The following DOCK10 variants were observed in gnomAD, a reference collection of about 807,000 sequenced individuals.
DOCK10 encodes the protein dedicator of cytokinesis protein 10.
Under a neutral mutation model 280.1 loss-of-function variants are expected in DOCK10, and 145 were observed. That is an observed-to-expected ratio of 0.52 (90% CI 0.45 to 0.59). The LOEUF (loss-of-function observed/expected upper bound fraction) is 0.59, where lower values mean the gene tolerates loss of function less well. Among genes scored for constraint, DOCK10 ranks in the 20% least tolerant of loss-of-function variants. The pLI is 0.00. For synonymous variants in DOCK10, 915 were observed against 942.2 expected (o/e 0.97, Z 0.53); for missense variants, 2,368 against 2,651.7 (o/e 0.89, Z 2.35).
At chr2:225,004,732 T>C (rs550346979) in intron 1 of DOCK10, among the ~76,000 whole-genome samples, 15 of 152,336 alleles carry the variant, frequency 9.8e-5, no homozygotes, top group African/African-American at 3.6e-4. Flanking sequence ...GAACCAAGGA[T>C]GTGAAGAGTG....
rs146067592 is a variant in DOCK10 at position 224,921,625 on chromosome 2, G to A, written c.244-4841C>T. Among the ~76,000 whole-genome samples the A allele has an allele frequency of 2.0e-5, 3 of 152,288 alleles. No individual in the cohort carries two copies. In the East Asian group the frequency reaches 5.8e-4, roughly 29 times the overall value. The stretch of plus-strand genomic sequence containing the variant: ...TAAATAAGACAACAGGCTGAATTAT[G>A]CTCTTGGAACCATGTGATAAATCTA... On this transcript the variant is annotated intron_variant, in intron 2 of 55. Coordinates refer to ENST00000258390, the MANE Select transcript of DOCK10 (RefSeq NM_014689.3).
Position 224,966,101 on chromosome 2 carries a change from G to A in DOCK10, c.124-34433C>T, listed in dbSNP as rs1249262576. 5.3e-5 allele frequency among the ~76,000 whole-genome samples: 8 copies of A among 152,098 alleles called. No individual in the cohort carries two copies. The East Asian group carries it at 1.2e-3, about 22-fold the overall frequency. Reference sequence around the variant, plus strand: ...AACGTTCTCCTATAAACATGCAAGCGGGCACAACAGACTCTCTGACGCCTT... The same window carrying A: ...AACGTTCTCCTATAAACATGCAAGCAGGCACAACAGACTCTCTGACGCCTT... On this transcript the variant is annotated intron_variant, in intron 1 of 55. Transcript: ENST00000258390.
rs1027711750 is a variant in DOCK10, at chr2:225,007,792, A to T, written c.123+34460T>A. Among the ~76,000 whole-genome samples the T allele has an allele frequency of 2.0e-5, 3 of 152,342 alleles. No individual in the cohort carries two copies. In the South Asian group the frequency reaches 6.2e-4, roughly 32 times the overall value. ...AGACATTAAAAAACATCCACAAAAA[A>T]GTCCGGAAGAATGATGGTTAGCTTT... On this transcript the variant is annotated intron_variant, in intron 1 of 55. Coordinates refer to ENST00000258390, the MANE Select transcript of DOCK10 (RefSeq NM_014689.3).
chr2:225,018,567 TTATATATATATAATATATA>T (rs1559965937), intron 1 of DOCK10, among the ~76,000 whole-genome samples: 347 of 8,448 alleles, frequency 0.041, 82 homozygotes, highest in African/African-American at 0.11. Context: ...ATATGTAATA[TTATATATATATAATATATA>T]TGTAATATTA....
At chr2:224,826,451 C>T (rs981141902) in intron 27 of DOCK10, among the ~76,000 whole-genome samples, 6 of 152,130 alleles carry the variant, frequency 3.9e-5, no homozygotes. Context: ...CCCCTGACTT[C>T]CTCAGATCTT....
chr2:224,834,222 A>G lies in DOCK10; in HGVS notation c.2892T>C (p.His964=). The change falls in exon 26 of 56, where the codon CAT becomes CAC. Residue 964 remains histidine (H), a synonymous_variant. Transcript: ENST00000258390. ...CAGTCACATTTTTAGCCAGTTCCTC[A>G]TGTACAGTCCTCTCCTTGCATGCCC... ...KTRACKERTV[H]EELAKNVTGL... 6.2e-7 allele frequency: 1 copy of G among 1,613,354 alleles called. No homozygotes were observed. Among genetic ancestry groups the G allele is most frequent in the Non-Finnish European group, 8.5e-7 (1 of 1,179,336 alleles).
At chr2:225,030,100 C>T (rs1046097865) in intron 1 of DOCK10, among the ~76,000 whole-genome samples, 1 of 145,294 alleles carries the variant, frequency 6.9e-6, no homozygotes, top group Non-Finnish European at 1.5e-5. Flanking sequence ...GAGCCGAGAT[C>T]ACACCACTGC....
At chr2:225,006,270 T>C (rs16866454) in intron 1 of DOCK10, among the ~76,000 whole-genome samples, 1,927 of 152,324 alleles carry the variant, frequency 0.013, 43 homozygotes, top group African/African-American at 0.042. Context: ...GCAATTCTTG[T>C]CTTTTTTAGA....
At chr2:224,906,871 A>G (rs1700679047) in intron 3 of DOCK10, among the ~76,000 whole-genome samples, 1 of 152,320 alleles carries the variant, frequency 6.6e-6, no homozygotes. Flanking sequence ...GCCTGATGGT[A>G]TGCACCTTGA....
At chr2:224,922,119 CAA>C (rs35964702) in intron 2 of DOCK10, among the ~76,000 whole-genome samples, 1,179 of 51,550 alleles carry the variant, frequency 0.023, 2 homozygotes, top group Non-Finnish European at 0.035. Flanking sequence ...AACTCCATCT[CAA>C]AAAAAAAAAA....
intron 1 of DOCK10, among the ~76,000 whole-genome samples, chr2:225,039,640 T>C (rs1326509218): frequency 2.0e-5 from 3 of 152,148 alleles, no homozygotes; most frequent in Non-Finnish European, 4.4e-5. Flanking sequence ...AGCATCTCCT[T>C]GATCTCTCCT....
chr2:224,890,970 C>T (rs937264061), intron 4 of DOCK10, among the ~76,000 whole-genome samples: 4 of 152,136 alleles, frequency 2.6e-5, no homozygotes, highest in South Asian at 2.1e-4. Context: ...TATTTAAAGG[C>T]GTGCATTCCG....
Position 225,027,826 on chromosome 2 carries a change from C to T in DOCK10, c.123+14426G>A, listed in dbSNP as rs192952690. ...TTATAGCAGTGGGAGAACAGACTAA[C>T]ACAATCCTCATAAGAATTTTGTGTC... On this transcript the variant is annotated intron_variant, in intron 1 of 55. Transcript: ENST00000258390. Among the ~76,000 whole-genome samples, 130 of 152,294 alleles carry T rather than the reference C, an allele frequency of 8.5e-4. 1 individual carries two copies. The highest frequency in any genetic ancestry group is 3.1e-3 in the African/African-American group (127 of 41,562).
At chr2:224,931,083 T>G (rs1702339368) in intron 2 of DOCK10, among the ~76,000 whole-genome samples, 1 of 152,242 alleles carries the variant, frequency 6.6e-6, no homozygotes, top group African/African-American at 2.4e-5. Context: ...TACCTTTCTT[T>G]GCCCCCAGGT....
chr2:224,922,265 A>C (rs986433392), intron 2 of DOCK10, among the ~76,000 whole-genome samples: 4 of 152,220 alleles, frequency 2.6e-5, no homozygotes, highest in Non-Finnish European at 4.4e-5. Context: ...AACTGTAAAC[A>C]ATCATATTTG....
chr2:224,956,104 T>C (rs751869538), intron 1 of DOCK10, among the ~76,000 whole-genome samples: 4 of 152,084 alleles, frequency 2.6e-5, no homozygotes, highest in Non-Finnish European at 4.4e-5. Context: ...AAGGAGAACA[T>C]TGTGTTGGCC....
intron 1 of DOCK10, among the ~76,000 whole-genome samples, chr2:224,957,285 G>GCCCCCC (rs35689409): frequency 1.7e-5 from 2 of 118,672 alleles, no homozygotes; most frequent in Non-Finnish European, 3.6e-5. Context: ...TTTACTTTCC[G>GCCCCCC]CCCCCCCCCG....
intron 1 of DOCK10, among the ~76,000 whole-genome samples, chr2:224,955,266 G>T (rs1161580575): frequency 6.6e-6 from 1 of 152,132 alleles, no homozygotes; most frequent in African/African-American, 2.4e-5. Context: ...AATCTGTAAA[G>T]CTCTAATGGA....
Position 225,018,500 on chromosome 2 carries a change from T to C in DOCK10, c.123+23752A>G. On this transcript the variant is annotated intron_variant, in intron 1 of 55. Transcript: ENST00000258390. ...ATACCATGTAAACATATATATATAA[T>C]ATATATGTAATATTATATATATATA... Among the ~76,000 whole-genome samples the C allele has an allele frequency of 1.6e-5, 2 of 126,716 alleles. 1 individual carries two copies. The highest frequency in any genetic ancestry group is 3.2e-5 in the Non-Finnish European group (2 of 62,402). 83.1% of individuals were successfully genotyped at this position (126,716 alleles called of 152,430 possible).
Sources: gnomAD v4.1 joint callset for allele counts (sites outside exome capture counted in the v4.1 genomes callset) on GRCh38, gnomAD v4.1.1 for gene constraint, MANE v1.5 for transcripts, NCBI Gene and HGNC (gene_info 2026-07-23, HGNC 2026-07-21) for gene names.